Variants in RIF1 observed in about 807,000 individuals in gnomAD.
RIF1 encodes the protein replication timing regulatory factor 1, also known as telomere-associated protein RIF1.
Under a neutral mutation model 247.1 loss-of-function variants are expected in RIF1, and 45 were observed. The observed-to-expected ratio is 0.18, with a 90% CI of 0.14 to 0.23. The LOEUF is 0.23. RIF1 is among the 10% of genes least tolerant of loss of function. The probability of loss-of-function intolerance (pLI) is 1.00; values close to 1 mark genes in which losing one functional copy is unlikely to be tolerated. For synonymous variants in RIF1, 1,087 were observed against 978.8 expected (o/e 1.11, Z -2.06); for missense variants, 2,967 against 2,862.5 (o/e 1.04, Z -0.83).
At position 151,478,137 on chromosome 2, in the gene RIF1, T is replaced by C. The variant is rs1488853876; in HGVS notation, c.*3066T>C. 1 of 152,230 alleles carries C rather than the reference T, an allele frequency of 6.6e-6. No individual in the cohort carries two copies. The highest frequency in any genetic ancestry group is 1.9e-4 in the East Asian group (1 of 5,202). 9.4% of individuals were successfully genotyped at this position (152,230 alleles called of 1,614,324 possible). ...GTTTGAAAACCATTGTTGAATCATATGGAGCTTTACTCTAATTCCAAATAG... is the reference window on the plus strand; with the variant it reads ...GTTTGAAAACCATTGTTGAATCATACGGAGCTTTACTCTAATTCCAAATAG... On this transcript the variant is annotated 3_prime_UTR_variant, in exon 36 of 36. Transcript: ENST00000444746.
rs1386839458 is a variant in RIF1, at chr2:151,468,661, A to G, written c.6846A>G (p.Glu2282=). The part of the protein sequence containing the change: ...KKCLISEMAK[E]SIPCPTESVY... ...CTAAGATTTCAGAAATGGCCAAAGAATCCATACCATGCCCAACAGAAAGTG... is the reference window on the plus strand; with the variant it reads ...CTAAGATTTCAGAAATGGCCAAAGAGTCCATACCATGCCCAACAGAAAGTG... The change falls in exon 33 of 36, where the codon GAA becomes GAG. Residue 2282 remains glutamate (E), a synonymous_variant. Transcript: ENST00000444746. 2 of 1,614,030 alleles carry G rather than the reference A, an allele frequency of 1.2e-6. No individual in the cohort carries two copies. Among genetic ancestry groups the G allele is most frequent in the South Asian group, 1.1e-5 (1 of 91,082 alleles).
At chr2:151,440,975 A>G in intron 15 of RIF1, among the ~76,000 whole-genome samples, 1 of 152,338 alleles carries the variant, frequency 6.6e-6, no homozygotes, top group Admixed American at 6.5e-5. Flanking sequence ...CATTTAAGTT[A>G]TGTAGTGCAT....
chr2:151,457,662 G>C (rs1180564035), intron 23 of RIF1, 99 bp from the exon 24 acceptor site: 5 of 843,342 alleles, frequency 5.9e-6, no homozygotes, highest in Admixed American at 4.8e-5. Flanking sequence ...GTGGGGGTTA[G>C]TTTAAAATTG....
At chr2:151,490,896 A>G (rs998285671) in intron 9 of RIF1, among the ~76,000 whole-genome samples, 1 of 152,248 alleles carries the variant, frequency 6.6e-6, no homozygotes, top group Non-Finnish European at 1.5e-5. Context: ...AAATCAATTT[A>G]GAGTCTTTCT....
chr2:151,533,448 C>T, the RIF1 span: 1 of 1,548,964 alleles, frequency 6.5e-7, no homozygotes, highest in Admixed American at 2.0e-5. Context: ...TTACCTGGCT[C>T]CACATATGCG....
At position 151,492,157 on chromosome 2, in the gene RIF1, T is replaced by A. The variant is rs759958496; in HGVS notation, c.*416-3072T>A. ...TTGTTCCATTTCTACCACTTTCCTC[T>A]GAATACCTCGGTAGTTAATGTCACT... is the stretch of plus-strand genomic sequence containing the variant. On this transcript the variant is annotated intron_variant and NMD_transcript_variant, in intron 9 of 13. Transcript: ENST00000454583. 4.3e-6 allele frequency: 7 copies of A among 1,613,848 alleles called. No individual in the cohort carries two copies. Among genetic ancestry groups the A allele is most frequent in the Non-Finnish European group, 5.9e-6 (7 of 1,179,882 alleles).
At chr2:151,416,952 C>T in intron 6 of RIF1, 51 bp downstream of exon 6, 1 of 1,423,020 alleles carries the variant, frequency 7.0e-7, no homozygotes. Context: ...ATAAATTTAG[C>T]TGAAGGAGAG....
chr2:151,499,831 G>C (rs1356225347), intron 11 of RIF1, among the ~76,000 whole-genome samples: 1 of 152,154 alleles, frequency 6.6e-6, no homozygotes, highest in Non-Finnish European at 1.5e-5. Context: ...AGTTCAAGTT[G>C]TTGTAGAGAT....
At chr2:151,412,868 TTGG>T (rs1686504237) in intron 3 of RIF1, among the ~76,000 whole-genome samples, 1 of 152,186 alleles carries the variant, frequency 6.6e-6, no homozygotes, top group East Asian at 1.9e-4. Context: ...CTGCCTACTC[TTGG>T]TGGTGTCACA....
chr2:151,466,236 T>G (rs1174200207), intron 30 of RIF1, 116 bp downstream of exon 30: 1 of 652,442 alleles, frequency 1.5e-6, no homozygotes, highest in Non-Finnish European at 2.7e-6. Flanking sequence ...CTCATTTGAT[T>G]ATTTACCATA....
At chr2:151,507,750 C>T in exon 14 of RIF1, 1 of 416,618 alleles carries the variant, frequency 2.4e-6, no homozygotes, top group Non-Finnish European at 4.3e-6. Flanking sequence ...ATGAACCTTG[C>T]CATGGGTGAG....
At chr2:151,518,436 G>A in the RIF1 span, 34 of 1,472,334 alleles carry the variant, frequency 2.3e-5, no homozygotes, top group Non-Finnish European at 2.8e-5. Flanking sequence ...AGGGGAAGGC[G>A]GCAAAAAAGG....
intron 18 of RIF1, among the ~76,000 whole-genome samples, chr2:151,444,949 T>G (rs1409631011): frequency 6.6e-6 from 1 of 152,180 alleles, no homozygotes; most frequent in Non-Finnish European, 1.5e-5. Context: ...CTCCTGGAGC[T>G]CTGAGACAGA....
intron 8 of RIF1, 72 bp from the exon 9 acceptor site, chr2:151,428,712 A>G: frequency 8.3e-7 from 1 of 1,200,358 alleles, no homozygotes; most frequent in Non-Finnish European, 1.2e-6. Flanking sequence ...AAGTGAATGA[A>G]TAAAGGAATG....
intron 20 of RIF1, among the ~76,000 whole-genome samples, chr2:151,446,937 T>C (rs915072034): frequency 3.7e-5 from 5 of 133,960 alleles, no homozygotes; most frequent in African/African-American, 1.3e-4. Flanking sequence ...TAAGTCTCTT[T>C]TCTCTTTCTT....
In RIF1 at chr2:151,459,012, T is replaced by C. The variant is rs1213824186; in HGVS notation, c.2955+102T>C. On this transcript the variant is annotated intron_variant, in intron 25 of 35. Transcript: ENST00000444746. Reference sequence around the variant, plus strand: ...CTGAACAGAAAAGAGTTTTGTAACATAGGCTTTTTCCACATTGTCAGTGGT... The same window carrying C: ...CTGAACAGAAAAGAGTTTTGTAACACAGGCTTTTTCCACATTGTCAGTGGT... 1.1e-4 allele frequency: 74 copies of C among 660,294 alleles called. No individual in the cohort carries two copies. In the East Asian group the frequency reaches 2.1e-3, roughly 19 times the overall value. The allele number at this position is 660,294 out of a possible 1,614,324, so 40.9% of individuals were successfully genotyped here. A position where few individuals can be genotyped will look rare whatever the true frequency, so the allele number is the denominator to read the frequency against.
chr2:151,410,456 G>A lies in RIF1; in HGVS notation c.33G>A (p.Pro11=), dbSNP rs374081613. Residue 11 remains proline (P), a synonymous_variant, in exon 2 of 36, where the codon CCG becomes CCA. Coordinates refer to ENST00000444746, the MANE Select transcript of RIF1 (RefSeq NM_018151.5). MTARGQSPLA[P]LLETLEDPSA... ...CCAGGGGTCAGAGCCCCCTCGCGCC[G>A]CTGTTGGAGACTTTGGAAGACCCTT... 6.2e-6 allele frequency: 10 copies of A among 1,613,914 alleles called. No homozygotes were observed. Among genetic ancestry groups the A allele is most frequent in the Non-Finnish European group, 8.5e-6 (10 of 1,180,008 alleles).
At chr2:151,445,230 A>G (rs1693046738) in intron 18 of RIF1, 108 bp from the exon 19 acceptor site, 2 of 707,272 alleles carry the variant, frequency 2.8e-6, no homozygotes, top group African/African-American at 1.8e-5. Context: ...TTTGAATCTC[A>G]TCATTGGGGA....
At chr2:151,512,753 CTTG>C (rs1553614214), downstream of RIF1, 5 of 1,613,690 alleles carry the variant, frequency 3.1e-6, no homozygotes, top group East Asian at 4.5e-5. Context: ...AGATTCTTGA[CTTG>C]TTGGGCATGA....
Sources: allele counts gnomAD v4.1 joint callset (sites outside exome capture counted in the v4.1 genomes callset), GRCh38; gene constraint gnomAD v4.1.1; transcripts MANE v1.5; gene names NCBI Gene and HGNC (gene_info 2026-07-23, HGNC 2026-07-21).